Variants in PTPRD observed in about 807,000 individuals in gnomAD.
The protein encoded by PTPRD is protein tyrosine phosphatase receptor type D.
PTPRD carries 34 observed loss-of-function variants against 214.5 expected under a neutral mutation model. That is an observed-to-expected ratio of 0.16 (90% CI 0.12 to 0.21). The LOEUF is 0.21. Among genes scored for constraint, PTPRD ranks in the 10% least tolerant of loss-of-function variants. The pLI is 1.00. For synonymous variants in PTPRD, 1,128 were observed against 845.7 expected, an observed-to-expected ratio of 1.33 and a Z score of -5.79; for missense variants, 2,545 against 2,398.7, an observed-to-expected ratio of 1.06 and a Z score of -1.27.
At chr9:9,304,786 G>A (rs889600199) in intron 9 of PTPRD, among the ~76,000 whole-genome samples, 2 of 151,218 alleles carry the variant, frequency 1.3e-5, no homozygotes, top group African/African-American at 2.4e-5. Flanking sequence ...AGGAAAAAGA[G>A]CTGACAGTCT....
intron 10 of PTPRD, among the ~76,000 whole-genome samples, chr9:9,035,004 G>C (rs144485435): frequency 6.6e-6 from 1 of 152,224 alleles, no homozygotes; most frequent in East Asian, 1.9e-4. Flanking sequence ...CTGGGGACCT[G>C]TAAGAGAACT....
intron 5 of PTPRD, among the ~76,000 whole-genome samples, chr9:9,888,369 T>C (rs1302902617): frequency 6.6e-6 from 1 of 152,144 alleles, no homozygotes; most frequent in East Asian, 1.9e-4. Context: ...TGCCATCATA[T>C]TGTGAGGCGA....
intron 8 of PTPRD, among the ~76,000 whole-genome samples, chr9:9,534,677 T>A (rs968809773): frequency 6.6e-6 from 1 of 152,068 alleles, no homozygotes; most frequent in Non-Finnish European, 1.5e-5. Context: ...GGAAAAAATG[T>A]AATATCTATT....
intron 11 of PTPRD, among the ~76,000 whole-genome samples, chr9:8,789,812 G>A (rs543956720): frequency 6.6e-6 from 1 of 152,254 alleles, no homozygotes; most frequent in South Asian, 2.1e-4. Flanking sequence ...ATTCCAGGTG[G>A]ATTGAAGACT....
chr9:9,623,133 T>C (rs572863764), intron 7 of PTPRD, among the ~76,000 whole-genome samples: 1 of 152,324 alleles, frequency 6.6e-6, no homozygotes, highest in Non-Finnish European at 1.5e-5. Context: ...CCTTTCACAA[T>C]TTACCAACTT....
chr9:10,229,607 A>G (rs2099601342), intron 3 of PTPRD, among the ~76,000 whole-genome samples: 1 of 151,858 alleles, frequency 6.6e-6, no homozygotes. Flanking sequence ...CAAGGACAAA[A>G]AACCAAACAC....
At chr9:8,764,491 G>A (rs2094585200) in intron 11 of PTPRD, among the ~76,000 whole-genome samples, 2 of 151,968 alleles carry the variant, frequency 1.3e-5, no homozygotes, top group Admixed American at 6.6e-5. Flanking sequence ...ACCATTATGG[G>A]ACACTCTAAA....
intron 11 of PTPRD, among the ~76,000 whole-genome samples, chr9:8,921,239 T>C (rs933898182): frequency 1.3e-5 from 2 of 152,202 alleles, no homozygotes; most frequent in Admixed American, 6.5e-5. Flanking sequence ...CTATTATCTA[T>C]ACCAGAAACA....
chr9:8,719,516 G>T lies in PTPRD; in HGVS notation c.64+14264C>A, dbSNP rs147267503. Among the ~76,000 whole-genome samples, 650 of 152,346 alleles carry T rather than the reference G, an allele frequency of 4.3e-3. 4 individuals carry two copies. Among genetic ancestry groups the T allele is most frequent in the African/African-American group, 0.015 (616 of 41,580 alleles). On this transcript the variant is annotated intron_variant, in intron 12 of 45. Coordinates refer to ENST00000381196, the MANE Select transcript of PTPRD (RefSeq NM_002839.4). ...TATTCTCCACTTTCTCCTGTCTGAT[G>T]AGGAGTTGCAGGTGAGTAAGGTCAA...
At chr9:8,640,035 G>A (rs901582717) in intron 12 of PTPRD, among the ~76,000 whole-genome samples, 4 of 152,086 alleles carry the variant, frequency 2.6e-5, no homozygotes, top group Non-Finnish European at 4.4e-5. Flanking sequence ...GGCTCAGTCA[G>A]TCCTCCCACC....
intron 2 of PTPRD, among the ~76,000 whole-genome samples, chr9:10,434,283 G>T (rs1175069502): frequency 6.6e-6 from 1 of 151,786 alleles, no homozygotes; most frequent in South Asian, 2.1e-4. Context: ...ATAATGAAAA[G>T]GTACCTCAAG....
chr9:9,917,973 G>T (rs2081414954), intron 5 of PTPRD, among the ~76,000 whole-genome samples: 1 of 152,002 alleles, frequency 6.6e-6, no homozygotes, highest in South Asian at 2.1e-4. Context: ...ACTGATCAGT[G>T]AAAAGCTGGT....
At chr9:9,878,791 A>T (rs2067687304) in intron 5 of PTPRD, among the ~76,000 whole-genome samples, 1 of 152,158 alleles carries the variant, frequency 6.6e-6, no homozygotes, top group Non-Finnish European at 1.5e-5. Context: ...CTAATAATAC[A>T]TGGCTTTTAT....
At chr9:9,469,348 G>C (rs2094436320) in intron 8 of PTPRD, among the ~76,000 whole-genome samples, 1 of 152,042 alleles carries the variant, frequency 6.6e-6, no homozygotes, top group South Asian at 2.1e-4. Flanking sequence ...TCTTCTAGGA[G>C]CAATGATTTT....
At chr9:10,530,042 GC>G (rs1318476175) in intron 2 of PTPRD, among the ~76,000 whole-genome samples, 1 of 152,058 alleles carries the variant, frequency 6.6e-6, no homozygotes, top group East Asian at 1.9e-4. Flanking sequence ...TGCATGTTCT[GC>G]ACATGTATCC....
intron 2 of PTPRD, among the ~76,000 whole-genome samples, chr9:10,519,804 G>T (rs994430433): frequency 1.3e-5 from 2 of 151,718 alleles, no homozygotes; most frequent in Non-Finnish European, 2.9e-5. Flanking sequence ...ATTGTTTCGG[G>T]GACTCATAAA....
At chr9:9,872,524 C>G (rs891237531) in intron 5 of PTPRD, among the ~76,000 whole-genome samples, 4 of 151,886 alleles carry the variant, frequency 2.6e-5, no homozygotes, top group African/African-American at 4.8e-5. Context: ...TTGCTTGAGC[C>G]GAGGATATCG....
chr9:8,453,357 G>A (rs1220668687), intron 33 of PTPRD, among the ~76,000 whole-genome samples: 2 of 152,070 alleles, frequency 1.3e-5, no homozygotes, highest in East Asian at 3.9e-4. Context: ...GTAGAGATGT[G>A]GTTTCGCCGT....
intron 39 of PTPRD, among the ~76,000 whole-genome samples, chr9:8,351,985 G>T (rs1459529508): frequency 1.3e-5 from 2 of 151,542 alleles, no homozygotes; most frequent in Non-Finnish European, 2.9e-5. Context: ...TATCCCTTTG[G>T]GTGTTTTATT....
Sources: allele counts gnomAD v4.1 joint callset (sites outside exome capture counted in the v4.1 genomes callset), GRCh38; gene constraint gnomAD v4.1.1; transcripts MANE v1.5; gene names NCBI Gene and HGNC (gene_info 2026-07-23, HGNC 2026-07-21).